The following ADK variants were observed in gnomAD, a reference collection of about 807,000 sequenced individuals.
ADK encodes the protein adenosine kinase.
ADK carries 24 observed loss-of-function variants against 44.7 expected under a neutral mutation model. The ratio of observed to expected loss-of-function variants is 0.54; its 90% CI spans 0.39 to 0.76. The LOEUF (loss-of-function observed/expected upper bound fraction) is 0.76, where lower values mean the gene tolerates loss of function less well. Among genes scored for constraint, ADK ranks in the 30% least tolerant of loss-of-function variants. The pLI is 0.00. For missense variants in ADK, 321 were observed against 425.1 expected (o/e 0.76, Z 2.15); for synonymous variants, 128 against 142.6 (o/e 0.90, Z 0.73).
chr10:74,661,957 A>C (rs559542500), intron 9 of ADK, among the ~76,000 whole-genome samples: 1 of 152,352 alleles, frequency 6.6e-6, no homozygotes, highest in South Asian at 2.1e-4. Flanking sequence ...GAGTATCATA[A>C]CTATTGTTCT....
intron 3 of ADK, among the ~76,000 whole-genome samples, chr10:74,285,902 A>T (rs1847144651): frequency 1.3e-5 from 2 of 152,140 alleles, no homozygotes; most frequent in African/African-American, 2.4e-5. Context: ...AATTTACTGT[A>T]CTGTACTATG....
At chr10:74,381,235 G>A (rs1032470774) in intron 4 of ADK, among the ~76,000 whole-genome samples, 16 of 152,054 alleles carry the variant, frequency 1.1e-4, no homozygotes, top group African/African-American at 2.4e-4. Flanking sequence ...GTGTACTTTC[G>A]TAGATCTGTC....
At chr10:74,460,232 C>A (rs895356048) in intron 6 of ADK, among the ~76,000 whole-genome samples, 1 of 152,082 alleles carries the variant, frequency 6.6e-6, no homozygotes, top group Non-Finnish European at 1.5e-5. Context: ...CAAAAATAAA[C>A]AAAAACTTCT....
chr10:74,255,594 A>G (rs1020479949), intron 3 of ADK, among the ~76,000 whole-genome samples: 7 of 152,324 alleles, frequency 4.6e-5, no homozygotes, highest in Middle Eastern at 3.4e-3. Flanking sequence ...AGAATTTCTC[A>G]TAGATCCTGG....
chr10:74,536,478 T>G, intron 7 of ADK, among the ~76,000 whole-genome samples: 1 of 85,524 alleles, frequency 1.2e-5, no homozygotes, highest in African/African-American at 3.1e-5. Flanking sequence ...TTTTTAATTC[T>G]GGTAAAAAAA....
At chr10:74,648,006 A>G (rs1854115251) in intron 9 of ADK, among the ~76,000 whole-genome samples, 1 of 152,180 alleles carries the variant, frequency 6.6e-6, no homozygotes, top group African/African-American at 2.4e-5. Context: ...ATCTTCTTGC[A>G]TCTTCAATAG....
rs79308811 is a variant in ADK at position 74,374,203 on chromosome 10, T to C, written c.274-19938T>C. On this transcript the variant is annotated intron_variant, in intron 4 of 10. Transcript: ENST00000539909. ...GGGGTGTTGAAAAATGTTCTAAAAT[T>C]GATGTGGTGATGCCTATACAACTCC... is the stretch of plus-strand genomic sequence containing the variant. Among the ~76,000 whole-genome samples, 1,101 of 152,170 alleles carry C rather than the reference T, an allele frequency of 7.2e-3. 5 individuals are homozygous for C. Among genetic ancestry groups the C allele is most frequent in the Middle Eastern group, 0.037 (11 of 294 alleles).
chr10:74,634,351 A>G (rs1162202182), intron 9 of ADK, among the ~76,000 whole-genome samples: 2 of 152,030 alleles, frequency 1.3e-5, no homozygotes, highest in Non-Finnish European at 2.9e-5. Context: ...AGTAGCTGGG[A>G]CTACAGGCTC....
At chr10:74,527,144 G>A (rs368143630) in intron 7 of ADK, among the ~76,000 whole-genome samples, 53 of 152,254 alleles carry the variant, frequency 3.5e-4, no homozygotes, top group African/African-American at 1.2e-3. Flanking sequence ...GGTGGATCAC[G>A]AGGTCAGGAG....
intron 6 of ADK, among the ~76,000 whole-genome samples, chr10:74,503,683 AATT>A (rs773294154): frequency 7.9e-5 from 12 of 152,174 alleles, no homozygotes; most frequent in Non-Finnish European, 1.3e-4. Flanking sequence ...TGGGCAGAAA[AATT>A]ATTATTTATA....
At chr10:74,531,871 C>T (rs555412191) in intron 7 of ADK, among the ~76,000 whole-genome samples, 2 of 152,154 alleles carry the variant, frequency 1.3e-5, no homozygotes, top group South Asian at 4.2e-4. Context: ...AGATGTAGTA[C>T]CAATTGTATA....
At chr10:74,156,988 C>A (rs1197690460) in intron 1 of ADK, among the ~76,000 whole-genome samples, 7 of 152,242 alleles carry the variant, frequency 4.6e-5, no homozygotes, top group Non-Finnish European at 4.4e-5. Flanking sequence ...ATGTAGGGGA[C>A]CTAGGGTCAG....
chr10:74,194,827 G>T (rs940279336), intron 1 of ADK, among the ~76,000 whole-genome samples: 5 of 152,104 alleles, frequency 3.3e-5, no homozygotes, highest in Non-Finnish European at 5.9e-5. Context: ...GAAGATGACT[G>T]GTGTAACAGT....
chr10:74,268,580 T>C (rs1591959769), intron 3 of ADK, among the ~76,000 whole-genome samples: 1 of 152,310 alleles, frequency 6.6e-6, no homozygotes, highest in East Asian at 1.9e-4. Flanking sequence ...TATTAGATAT[T>C]ACAGAAATGT....
intron 6 of ADK, among the ~76,000 whole-genome samples, chr10:74,437,429 C>A (rs1845216106): frequency 6.6e-6 from 1 of 152,116 alleles, no homozygotes; most frequent in African/African-American, 2.4e-5. Context: ...CAGTGTCAAT[C>A]CTGTTTCTCT....
At chr10:74,405,638 C>T (rs909445929) in intron 6 of ADK, among the ~76,000 whole-genome samples, 11 of 152,086 alleles carry the variant, frequency 7.2e-5, no homozygotes, top group Non-Finnish European at 1.3e-4. Context: ...AGGTTGTATA[C>T]GTCTTATGAG....
chr10:74,597,838 G>A (rs1851974415), intron 8 of ADK, among the ~76,000 whole-genome samples: 1 of 152,058 alleles, frequency 6.6e-6, no homozygotes, highest in Non-Finnish European at 1.5e-5. Context: ...TTGGGGCTAT[G>A]GAAACATTCT....
intron 6 of ADK, among the ~76,000 whole-genome samples, chr10:74,481,552 T>G (rs1012421735): frequency 2.6e-5 from 4 of 152,220 alleles, no homozygotes; most frequent in African/African-American, 7.2e-5. Context: ...TATGTTTAAT[T>G]ATAACTTCTC....
intron 4 of ADK, among the ~76,000 whole-genome samples, chr10:74,333,999 C>T (rs569279565): frequency 6.6e-6 from 1 of 151,602 alleles, no homozygotes; most frequent in East Asian, 1.9e-4. Flanking sequence ...AGTATTTTTT[C>T]CATTTTAAAA....
Sources: gnomAD v4.1 joint callset for allele counts (sites outside exome capture counted in the v4.1 genomes callset) on GRCh38, gnomAD v4.1.1 for gene constraint, MANE v1.5 for transcripts, NCBI Gene and HGNC (gene_info 2026-07-23, HGNC 2026-07-21) for gene names.